The following CDH23 variants were observed in gnomAD, a reference collection of about 807,000 sequenced individuals.
CDH23 encodes the protein cadherin-23.
A neutral mutation model predicts 317.1 loss-of-function variants in CDH23; 189 were observed. That is an observed-to-expected ratio of 0.60 (90% confidence interval 0.53 to 0.67). CDH23 has a LOEUF of 0.67. CDH23 is among the 30% of genes least tolerant of loss of function. The probability of loss-of-function intolerance (pLI) is 0.00; values close to 1 mark genes in which losing one functional copy is unlikely to be tolerated. For missense variants in CDH23, 4,401 were observed against 4,592.4 expected (o/e 0.96, Z 1.20); for synonymous variants, 1,839 against 1,876.8 (o/e 0.98, Z 0.52).
At chr10:71,629,601 T>A (rs1861908591) in intron 11 of CDH23, among the ~76,000 whole-genome samples, 1 of 152,204 alleles carries the variant, frequency 6.6e-6, no homozygotes, top group Non-Finnish European at 1.5e-5. Context: ...CCAACTTCTG[T>A]ACATCCGCTG....
chr10:71,625,464 C>A (rs1394584449), intron 11 of CDH23, among the ~76,000 whole-genome samples: 3 of 5,584 alleles, frequency 5.4e-4, no homozygotes, highest in African/African-American at 1.4e-3. Flanking sequence ...TGCTGGGGGG[C>A]GGGTGGGGGT....
chr10:71,543,051 T>C (rs1321908355), intron 6 of CDH23, among the ~76,000 whole-genome samples: 3 of 152,222 alleles, frequency 2.0e-5, no homozygotes, highest in African/African-American at 7.2e-5. Flanking sequence ...GTCATTGTAA[T>C]GCAAGGCTAG....
chr10:71,746,001 G>A (rs1219637323), intron 38 of CDH23, among the ~76,000 whole-genome samples: 1 of 152,196 alleles, frequency 6.6e-6, no homozygotes, highest in Non-Finnish European at 1.5e-5. Context: ...GGAGGACAAG[G>A]GCATGAAAGA....
chr10:71,471,717 C>G (rs78455448), intron 3 of CDH23, among the ~76,000 whole-genome samples: 1 of 152,164 alleles, frequency 6.6e-6, no homozygotes, highest in Admixed American at 6.5e-5. Context: ...GACCCCAGGG[C>G]CTTGTTCCTG....
intron 11 of CDH23, among the ~76,000 whole-genome samples, chr10:71,622,103 C>G (rs1023263257): frequency 6.6e-6 from 1 of 152,162 alleles, no homozygotes; most frequent in Admixed American, 6.5e-5. Flanking sequence ...AAGGTTGTGG[C>G]AGCCTCATTC....
At chr10:71,661,970 C>G (rs1863691738) in intron 14 of CDH23, among the ~76,000 whole-genome samples, 1 of 149,764 alleles carries the variant, frequency 6.7e-6, no homozygotes, top group Non-Finnish European at 1.5e-5. Context: ...CCAGCTGCAC[C>G]ATCCCTGCAC....
rs927650761 is a variant in CDH23, at chr10:71,509,415, C to A, written c.146-667C>A. ...GAGGATGGAGCTAATGTCAGCAGAG[C>A]TGGTGACAGACCCTCAGAAAGCCAT... is the stretch of plus-strand genomic sequence containing the variant. On this transcript the variant is annotated intron_variant, in intron 3 of 69. Transcript: ENST00000224721. 3.3e-5 allele frequency among the ~76,000 whole-genome samples: 5 copies of A among 152,234 alleles called. No homozygotes were observed. The South Asian group carries it at 1.0e-3, about 32-fold the overall frequency.
intron 28 of CDH23, among the ~76,000 whole-genome samples, chr10:71,719,337 G>T (rs1432845862): frequency 6.6e-6 from 1 of 152,160 alleles, no homozygotes; most frequent in Non-Finnish European, 1.5e-5. Context: ...CTTCCCACTG[G>T]GGCCAGGGTG....
At chr10:71,592,088 C>G (rs7902068) in intron 9 of CDH23, among the ~76,000 whole-genome samples, 40,804 of 151,906 alleles carry the variant, frequency 0.27, 6,608 homozygotes, top group African/African-American at 0.45. Context: ...GGGAAAGATG[C>G]AAGATGATTT....
chr10:71,559,812 C>T (rs1857038401), intron 6 of CDH23, among the ~76,000 whole-genome samples: 1 of 152,244 alleles, frequency 6.6e-6, no homozygotes, highest in Non-Finnish European at 1.5e-5. Flanking sequence ...CCCAAGAGAG[C>T]AAATACTGGT....
chr10:71,709,147 G>A lies in CDH23; in HGVS notation c.3156G>A (p.Val1052=). Reference sequence around the variant, plus strand: ...GCGTGGGTTACCGCGATGCCGTTGTGAGAACCGTGGTGGGCCTGGACCGGG... The same window carrying A: ...GCGTGGGTTACCGCGATGCCGTTGTAAGAACCGTGGTGGGCCTGGACCGGG... ...KFSVGYRDAV[V]RTVVGLDRET... is the part of the protein sequence containing the mutation. The change falls in exon 27 of 70, where the codon GTG becomes GTA. Residue 1052 remains valine, a synonymous_variant. Coordinates refer to ENST00000224721, the MANE Select transcript of CDH23 (RefSeq NM_022124.6). 6.2e-7 allele frequency: 1 copy of A among 1,613,986 alleles called. No homozygotes were observed. Among genetic ancestry groups the A allele is most frequent in the Non-Finnish European group, 8.5e-7 (1 of 1,179,900 alleles).
At chr10:71,533,913 A>G (rs1855557778) in intron 6 of CDH23, among the ~76,000 whole-genome samples, 2 of 137,186 alleles carry the variant, frequency 1.5e-5, no homozygotes, top group Non-Finnish European at 1.5e-5. Context: ...ATTTCCCAGC[A>G]TTATTTTTTC....
intron 9 of CDH23, among the ~76,000 whole-genome samples, chr10:71,588,208 T>G (rs1859215127): frequency 6.6e-6 from 1 of 152,178 alleles, no homozygotes; most frequent in African/African-American, 2.4e-5. Context: ...AACATTGACA[T>G]CTGCACCTAC....
At chr10:71,682,385 G>A (rs776205750) in intron 17 of CDH23, 60 bp from the exon 18 acceptor site, 22 of 1,589,812 alleles carry the variant, frequency 1.4e-5, no homozygotes, top group Non-Finnish European at 1.8e-5. Flanking sequence ...GGGGACCCCT[G>A]TCTGGACGGG....
intron 3 of CDH23, among the ~76,000 whole-genome samples, chr10:71,449,915 T>A (rs939737133): frequency 3.9e-5 from 6 of 152,198 alleles, no homozygotes; most frequent in Admixed American, 6.5e-5. Context: ...GTTCCCTCTG[T>A]GTAATGTTCT....
chr10:71,802,072 C>T (rs999237313), intron 53 of CDH23, among the ~76,000 whole-genome samples: 2 of 152,198 alleles, frequency 1.3e-5, no homozygotes, highest in African/African-American at 4.8e-5. Flanking sequence ...CTTTGGGAGG[C>T]CGAGGCGGGG....
At chr10:71,485,023 C>CTTTTTTTTTTTTTT (rs56153129) in intron 3 of CDH23, among the ~76,000 whole-genome samples, 1 of 110,152 alleles carries the variant, frequency 9.1e-6, no homozygotes, top group Admixed American at 9.4e-5. Flanking sequence ...TTTCTTTTTT[C>CTTTTTTTTTTTTTT]TTTTTTTTTT....
At position 71,802,960 on chromosome 10, in the gene CDH23, C is replaced by T; in HGVS notation, c.7545C>T (p.Ser2515=). The part of the protein sequence containing the change: ...CRPQFSKPQF[S]TSVYENEPAG... ...CACAGTTCTCCAAGCCCCAGTTCAG[C>T]ACAAGCGTGTATGAGAATGAGCCGG... The change falls in exon 54 of 70, where the codon AGC becomes AGT. Residue 2515 remains serine, a synonymous_variant. Transcript: ENST00000224721. 1 of 1,614,018 alleles carries T rather than the reference C, an allele frequency of 6.2e-7. No individual in the cohort carries two copies. Among genetic ancestry groups the T allele is most frequent in the South Asian group, 1.1e-5 (1 of 91,084 alleles).
At chr10:71,620,068 A>G (rs1861388640) in intron 11 of CDH23, among the ~76,000 whole-genome samples, 1 of 152,066 alleles carries the variant, frequency 6.6e-6, no homozygotes. Flanking sequence ...GGACAGGGAA[A>G]CCCTACCCCG....
Sources: allele counts gnomAD v4.1 joint callset (sites outside exome capture counted in the v4.1 genomes callset), GRCh38; gene constraint gnomAD v4.1.1; transcripts MANE v1.5; gene names NCBI Gene and HGNC (gene_info 2026-07-23, HGNC 2026-07-21).